The following ZNF782 variants were observed in gnomAD, a reference collection of about 807,000 sequenced individuals.
ZNF782 encodes the protein zinc finger protein 782.
In ZNF782, 12 loss-of-function variants were observed where a neutral mutation model predicts 13.0. That is an observed-to-expected ratio of 0.92 (90% CI 0.59 to 1.50). The LOEUF (loss-of-function observed/expected upper bound fraction) is 1.50. Among genes scored for constraint, ZNF782 ranks in the 40% most tolerant of loss-of-function variants. ZNF782 has a pLI of 0.00. For missense variants in ZNF782, 770 were observed against 822.9 expected, an observed-to-expected ratio of 0.94 and a Z score of 0.79; for synonymous variants, 284 against 283.0, an observed-to-expected ratio of 1.00 and a Z score of -0.04.
upstream of ZNF782, among the ~76,000 whole-genome samples, chr9:96,855,890 C>G (rs1851635274): frequency 6.6e-6 from 1 of 152,156 alleles, no homozygotes; most frequent in African/African-American, 2.4e-5. Context: ...AGAAGTTTTC[C>G]CTGTTCACTG....
chr9:96,824,431 A>G (rs1850535515), intron 5 of ZNF782, among the ~76,000 whole-genome samples: 2 of 149,660 alleles, frequency 1.3e-5, no homozygotes, highest in South Asian at 4.2e-4. Context: ...ATCTATGACA[A>G]ACCCACAGCC....
At chr9:96,840,168 T>G (rs890289177) in intron 4 of ZNF782, among the ~76,000 whole-genome samples, 2 of 152,146 alleles carry the variant, frequency 1.3e-5, no homozygotes, top group Non-Finnish European at 2.9e-5. Flanking sequence ...GAATATGGCC[T>G]CAATAATATA....
chr9:96,897,196 G>C, the ZNF782 span, among the ~76,000 whole-genome samples: 2 of 152,196 alleles, frequency 1.3e-5, no homozygotes, highest in African/African-American at 2.4e-5. Flanking sequence ...AGAGTTTCAT[G>C]TGCCTGACGC....
At chr9:96,845,129 AG>A in intron 3 of ZNF782, 113 bp from the exon 4 acceptor site, 1 of 1,333,434 alleles carries the variant, frequency 7.5e-7, no homozygotes, top group East Asian at 2.4e-5. Context: ...AAATGCTATA[AG>A]GGATTCTTAT....
chr9:96,881,272 T>G, the ZNF782 span, among the ~76,000 whole-genome samples: 1 of 152,030 alleles, frequency 6.6e-6, no homozygotes, highest in Non-Finnish European at 1.5e-5. Context: ...TTGATTCCTC[T>G]TATCTTTATC....
chr9:96,925,592 A>C, the ZNF782 span, among the ~76,000 whole-genome samples: 3 of 147,236 alleles, frequency 2.0e-5, no homozygotes, highest in South Asian at 6.7e-4. Context: ...AGGAGATCAC[A>C]CCACTGCACT....
intron 4 of ZNF782, among the ~76,000 whole-genome samples, chr9:96,840,491 AT>A (rs938614797): frequency 4.0e-5 from 6 of 151,794 alleles, no homozygotes; most frequent in Admixed American, 6.6e-5. Context: ...AAAAATTACA[AT>A]TTTTTTTAAC....
intron 5 of ZNF782, among the ~76,000 whole-genome samples, chr9:96,823,279 A>G (rs1211067732): frequency 6.6e-6 from 1 of 152,294 alleles, no homozygotes; most frequent in Non-Finnish European, 1.5e-5. Flanking sequence ...CTGTGTCCTC[A>G]TTTGCTGAGC....
rs1460540081 is a variant in ZNF782, at chr9:96,844,895, G to A, written c.137C>T (p.Ser46Leu). 1.2e-6 allele frequency: 2 copies of A among 1,613,978 alleles called. No individual in the cohort carries two copies. The highest frequency in any genetic ancestry group is 3.3e-5 in the Admixed American group (2 of 60,008). ...VMLENYSHLV[S>L]VGYCFTKPEL... ...CCATGGTAAGCTGTGCTCACCCACTGAGACGAGGTGGCTGTAGTTCTCCAG... is the reference window on the plus strand; with the variant it reads ...CCATGGTAAGCTGTGCTCACCCACTAAGACGAGGTGGCTGTAGTTCTCCAG... The change falls in exon 4 of 6, where the codon TCA becomes TTA. Residue 46 changes from serine (S) to leucine (L), a missense_variant. Ser to Leu is a moderately radical substitution (Grantham distance 145). Coordinates refer to ENST00000481138, the MANE Select transcript of ZNF782 (RefSeq NM_001001662.3).
chr9:96,852,040 G>T, intron 2 of ZNF782, 35 bp from the exon 3 acceptor site: 1 of 1,425,244 alleles, frequency 7.0e-7, no homozygotes, highest in Non-Finnish European at 9.9e-7. Flanking sequence ...ACACGGTCTC[G>T]CCTACCTCAC....
rs116307824 is a variant in ZNF782 at position 96,830,983 on chromosome 9, T to C, written c.143-3802A>G. On this transcript the variant is annotated intron_variant, in intron 4 of 5. Transcript: ENST00000481138. Reference sequence around the variant, plus strand: ...AGGAAATAATCCATGAATTTTAATATAGAAGAGCAGAAATTACCCAATCTG... The same window carrying C: ...AGGAAATAATCCATGAATTTTAATACAGAAGAGCAGAAATTACCCAATCTG... 7.6e-3 allele frequency among the ~76,000 whole-genome samples: 1,163 copies of C among 152,180 alleles called. 8 individuals are homozygous for C. The highest frequency in any genetic ancestry group is 0.027 in the African/African-American group (1,118 of 41,498).
chr9:96,925,220 G>A, the ZNF782 span, among the ~76,000 whole-genome samples: 1 of 152,114 alleles, frequency 6.6e-6, no homozygotes, highest in African/African-American at 2.4e-5. Flanking sequence ...CGCGGGGCAG[G>A]CGTGGAGCCC....
chr9:96,887,286 AAAGGAAGGAAGGAAGGAAGGAAGG>A, the ZNF782 span: 33 of 121,886 alleles, frequency 2.7e-4, no homozygotes, highest in East Asian at 4.8e-4. Flanking sequence ...TGCAAAAAAG[AAAGGAAGGAAGGAAGGAAGGAAGG>A]AAGGAAGGAA....
chr9:96,907,695 C>A, the ZNF782 span, among the ~76,000 whole-genome samples: 1 of 151,588 alleles, frequency 6.6e-6, no homozygotes, highest in Non-Finnish European at 1.5e-5. Context: ...GGCTAGAGTG[C>A]AATGGCATAA....
rs148935937 is a variant in ZNF782 at position 96,840,638 on chromosome 9, G to A, written c.142+4252C>T. 5.3e-3 allele frequency among the ~76,000 whole-genome samples: 804 copies of A among 152,022 alleles called. 7 individuals carry two copies. The highest frequency in any genetic ancestry group is 0.018 in the African/African-American group (755 of 41,504). On this transcript the variant is annotated intron_variant, in intron 4 of 5. Coordinates refer to ENST00000481138, the MANE Select transcript of ZNF782 (RefSeq NM_001001662.3). ...ATTAAACAGTTGTTAAGTTTTAATT[G>A]CATTTCTTCATACAGTCTCATACTA... is the stretch of plus-strand genomic sequence containing the variant.
chr9:96,899,558 G>GA, the ZNF782 span, among the ~76,000 whole-genome samples: 1 of 152,180 alleles, frequency 6.6e-6, no homozygotes, highest in African/African-American at 2.4e-5. Flanking sequence ...TAAATAAAAT[G>GA]AATGTATTTC....
chr9:96,879,335 A>AAAC (rs766678581), upstream of ZNF782, among the ~76,000 whole-genome samples: 15 of 152,252 alleles, frequency 9.9e-5, no homozygotes, highest in East Asian at 2.3e-3. Context: ...AAAAAAACAA[A>AAAC]AACAACAACA....
chr9:96,833,420 T>C (rs754838898), intron 4 of ZNF782, among the ~76,000 whole-genome samples: 1 of 152,214 alleles, frequency 6.6e-6, no homozygotes, highest in African/African-American at 2.4e-5. Context: ...TTGTGGTATT[T>C]TGGGTCACCT....
At chr9:96,892,439 A>G in the ZNF782 span, 3 of 152,240 alleles carry the variant, frequency 2.0e-5, no homozygotes, top group African/African-American at 4.8e-5. Context: ...TCACATCCTC[A>G]TGAAGGTTCG....
Sources: allele counts gnomAD v4.1 joint callset (sites outside exome capture counted in the v4.1 genomes callset), GRCh38; gene constraint gnomAD v4.1.1; transcripts MANE v1.5; gene names NCBI Gene and HGNC (gene_info 2026-07-23, HGNC 2026-07-21).